Variants in GIGYF2 observed in about 807,000 individuals in gnomAD.
GIGYF2 encodes the protein GRB10-interacting GYF protein 2.
Under a neutral mutation model 208.1 loss-of-function variants are expected in GIGYF2, and 25 were observed. That is an observed-to-expected ratio of 0.12 (90% CI 0.09 to 0.17). The LOEUF is 0.17. Among genes scored for constraint, GIGYF2 ranks in the 10% least tolerant of loss-of-function variants. The pLI, the probability that GIGYF2 is intolerant of heterozygous loss-of-function variation, is 1.00. For missense variants in GIGYF2, 1,302 were observed against 1,579.4 expected (o/e 0.82, Z 2.98); for synonymous variants, 534 against 543.8 (o/e 0.98, Z 0.25).
chr2:232,790,750 T>C lies in GIGYF2; in HGVS notation c.765T>C (p.Phe255=), dbSNP rs2106363801. Residue 255 remains phenylalanine, a synonymous_variant, in exon 10 of 29, where the codon TTT becomes TTC. Coordinates refer to ENST00000373563, the MANE Select transcript of GIGYF2 (RefSeq NM_001103146.3). The part of the protein sequence containing the change: ...WREHMERRRR[F]EFDFRDRDDE... ...AACACATGGAACGACGTCGGAGGTTTGAGTTTGATTTTCGAGATAGAGATG... is the reference window on the plus strand; with the variant it reads ...AACACATGGAACGACGTCGGAGGTTCGAGTTTGATTTTCGAGATAGAGATG... 1 of 1,614,098 alleles carries C rather than the reference T, an allele frequency of 6.2e-7. No individual in the cohort carries two copies. The highest frequency in any genetic ancestry group is 8.5e-7 in the Non-Finnish European group (1 of 1,179,978).
intron 21 of GIGYF2, among the ~76,000 whole-genome samples, chr2:232,827,937 A>G (rs934325109): frequency 4.6e-5 from 7 of 151,978 alleles, no homozygotes; most frequent in Admixed American, 3.9e-4. Flanking sequence ...TTGGCTTATG[A>G]GTTATTTGAG....
chr2:232,736,233 TA>T, intron 3 of GIGYF2: 1 of 834,890 alleles, frequency 1.2e-6, no homozygotes, highest in Non-Finnish European at 1.4e-6. Context: ...CATGTTAACC[TA>T]AGTAATGCTG....
At chr2:232,766,936 C>T (rs1698989177) in intron 8 of GIGYF2, 1 of 151,942 alleles carries the variant, frequency 6.6e-6, no homozygotes, top group South Asian at 2.1e-4. Flanking sequence ...GATAGGGTGA[C>T]TTTTTTGGTT....
intron 1 of GIGYF2, among the ~76,000 whole-genome samples, chr2:232,702,780 G>A (rs544833141): frequency 2.6e-5 from 4 of 152,212 alleles, no homozygotes; most frequent in East Asian, 1.9e-4. Context: ...GCTGTGATGC[G>A]GCTTTTGTTT....
chr2:232,736,128 A>G, intron 3 of GIGYF2: 1 of 972,308 alleles, frequency 1.0e-6, no homozygotes. Flanking sequence ...AAGTTTTCTT[A>G]ACCTTTATAG....
intron 9 of GIGYF2, chr2:232,788,613 T>G (rs1248367317): frequency 4.3e-6 from 2 of 469,262 alleles, no homozygotes; most frequent in Non-Finnish European, 4.4e-6. Context: ...GAAGATGAAC[T>G]GTGTTTTTTG....
intron 5 of GIGYF2, among the ~76,000 whole-genome samples, chr2:232,754,616 A>T (rs1352631752): frequency 6.6e-6 from 1 of 152,188 alleles, no homozygotes; most frequent in Non-Finnish European, 1.5e-5. Flanking sequence ...CAATATTAGA[A>T]TATATTAATC....
chr2:232,763,942 A>G (rs1052384093), intron 8 of GIGYF2, among the ~76,000 whole-genome samples: 1 of 152,248 alleles, frequency 6.6e-6, no homozygotes, highest in Admixed American at 6.5e-5. Context: ...AACTGTGGAT[A>G]AGGCGGGATT....
At chr2:232,719,813 T>C (rs1327578169) in intron 2 of GIGYF2, among the ~76,000 whole-genome samples, 3 of 152,204 alleles carry the variant, frequency 2.0e-5, no homozygotes, top group African/African-American at 4.8e-5. Flanking sequence ...TTATTGGTAT[T>C]ATTGCATAAG....
chr2:232,856,517 C>T (rs1010855042), intron 28 of GIGYF2, among the ~76,000 whole-genome samples: 1 of 151,988 alleles, frequency 6.6e-6, no homozygotes, highest in Non-Finnish European at 1.5e-5. Context: ...TGGTGAAACC[C>T]TATCTCTACT....
At chr2:232,817,932 A>G (rs901180553) in intron 20 of GIGYF2, among the ~76,000 whole-genome samples, 7 of 152,156 alleles carry the variant, frequency 4.6e-5, no homozygotes, top group Non-Finnish European at 7.4e-5. Flanking sequence ...GAATTTTTTG[A>G]AGAACTGCCG....
chr2:232,711,354 A>C (rs989724255), intron 2 of GIGYF2, among the ~76,000 whole-genome samples: 3 of 151,180 alleles, frequency 2.0e-5, no homozygotes, highest in Non-Finnish European at 4.4e-5. Flanking sequence ...ATGTTAATCA[A>C]CTTTTTGATC....
intron 8 of GIGYF2, among the ~76,000 whole-genome samples, chr2:232,764,178 G>A (rs1698856888): frequency 6.6e-6 from 1 of 152,206 alleles, no homozygotes. Flanking sequence ...CATTTTAACA[G>A]CAGAAATGAA....
intron 6 of GIGYF2, among the ~76,000 whole-genome samples, chr2:232,758,602 G>A (rs560904403): frequency 2.0e-4 from 30 of 152,278 alleles, no homozygotes; most frequent in African/African-American, 6.5e-4. Flanking sequence ...GAACCTGATC[G>A]TTGTAGTATG....
chr2:232,848,372 A>G (rs867519550), intron 27 of GIGYF2, among the ~76,000 whole-genome samples: 45 of 152,342 alleles, frequency 3.0e-4, no homozygotes, highest in Middle Eastern at 3.4e-3. Flanking sequence ...CTGGTGGCTC[A>G]TGTCCGTAAT....
At position 232,847,412 on chromosome 2, in the gene GIGYF2, G is replaced by A; in HGVS notation, c.3525G>A (p.Arg1175=). 1.9e-6 allele frequency: 3 copies of A among 1,613,650 alleles called. No individual in the cohort carries two copies. Among genetic ancestry groups the A allele is most frequent in the East Asian group, 4.5e-5 (2 of 44,886 alleles). Residue 1175 remains arginine, a synonymous_variant, in exon 27 of 29, where the codon AGG becomes AGA. Transcript: ENST00000373563. The part of the protein sequence containing the change: ...ESPYEVHDYI[R]AYLGDTSEAK... The stretch of plus-strand genomic sequence containing the variant: ...CTTATGAGGTCCATGATTATATCAG[G>A]GCCTATTTAGGAGATACTTCTGAGG...
Position 232,844,385 on chromosome 2 carries a change from C to A in GIGYF2, c.3116C>A (p.Thr1039Asn), listed in dbSNP as rs1701929561. Residue 1039 changes from threonine (T) to asparagine (N), a missense_variant, in exon 25 of 29, where the codon ACC (threonine) becomes AAC (asparagine). Thr to Asn is a moderately conservative substitution (Grantham distance 65). Transcript: ENST00000373563. Reference sequence around the variant, plus strand: ...CTTTAACAGCATTCCAACCTGCACACCAGCATTGGGAATTCTGTTTGGGGC... The same window carrying A: ...CTTTAACAGCATTCCAACCTGCACAACAGCATTGGGAATTCTGTTTGGGGC... ...ARNNTHSNLH[T>N]SIGNSVWGSI... The A allele has an allele frequency of 6.2e-7, 1 of 1,613,188 alleles. No homozygotes were observed. The highest frequency in any genetic ancestry group is 1.3e-5 in the African/African-American group (1 of 74,900).
chr2:232,820,315 T>TG (rs1574921768), intron 21 of GIGYF2, among the ~76,000 whole-genome samples: 1 of 92,566 alleles, frequency 1.1e-5, no homozygotes, highest in East Asian at 3.2e-4. Flanking sequence ...AGCAATAATT[T>TG]CTTTTTTTTT....
intron 14 of GIGYF2, among the ~76,000 whole-genome samples, chr2:232,802,938 C>T (rs183020107): frequency 1.8e-4 from 27 of 148,906 alleles, no homozygotes; most frequent in Admixed American, 1.2e-3. Context: ...CTAGCTCTGT[C>T]GGCCAGGCTG....
Sources: allele counts gnomAD v4.1 joint callset (sites outside exome capture counted in the v4.1 genomes callset), GRCh38; gene constraint gnomAD v4.1.1; transcripts MANE v1.5; gene names NCBI Gene and HGNC (gene_info 2026-07-23, HGNC 2026-07-21).